Variants in RAB27B observed in about 807,000 individuals in gnomAD.
RAB27B encodes ras-related protein Rab-27B.
Under a neutral mutation model 24.6 loss-of-function variants are expected in RAB27B, and 15 were observed. The ratio of observed to expected loss-of-function variants is 0.61; its 90% CI spans 0.41 to 0.94. The LOEUF (loss-of-function observed/expected upper bound fraction) is 0.94, where lower values mean the gene tolerates loss of function less well. Ranked by LOEUF, RAB27B falls within the 40% of genes least tolerant of loss-of-function variation. The pLI, the probability that RAB27B is intolerant of heterozygous loss-of-function variation, is 0.00. For synonymous variants in RAB27B, 105 were observed against 92.5 expected, an observed-to-expected ratio of 1.14 and a Z score of -0.78; for missense variants, 261 against 266.8, an observed-to-expected ratio of 0.98 and a Z score of 0.15.
rs750955967 is a variant in RAB27B at position 54,884,346 on chromosome 18, A to G, written c.253A>G (p.Thr85Ala). 36 of 1,611,136 alleles carry G rather than the reference A, an allele frequency of 2.2e-5. No homozygotes were observed. Among genetic ancestry groups the G allele is most frequent in the Non-Finnish European group, 8.5e-6 (10 of 1,177,634 alleles). The change falls in exon 4 of 6, where the codon ACC (threonine) becomes GCC (alanine). Residue 85 changes from threonine to alanine, a missense_variant. Coordinates refer to ENST00000262094, the MANE Select transcript of RAB27B (RefSeq NM_004163.4). ...TTTCCTTGGCAGGTTCCGGAGTCTCACCACTGCATTTTTCAGAGACGCCAT... is the reference window on the plus strand; with the variant it reads ...TTTCCTTGGCAGGTTCCGGAGTCTCGCCACTGCATTTTTCAGAGACGCCAT... ...TAGQERFRSL[T>A]TAFFRDAMGF... is the part of the protein sequence containing the mutation.
chr18:54,886,836 C>A (rs1303818009), intron 4 of RAB27B, among the ~76,000 whole-genome samples: 1 of 152,020 alleles, frequency 6.6e-6, no homozygotes, highest in Non-Finnish European at 1.5e-5. Context: ...ACAGAGTTAG[C>A]CTTTCTTTGT....
chr18:54,811,062 ATAT>A (rs1238517034), intron 2 of RAB27B, among the ~76,000 whole-genome samples: 4 of 151,890 alleles, frequency 2.6e-5, no homozygotes, highest in African/African-American at 9.7e-5. Flanking sequence ...ATATAGCCTA[ATAT>A]TATAATATTA....
At chr18:54,855,863 T>G (rs1160411560) in intron 1 of RAB27B, among the ~76,000 whole-genome samples, 1 of 152,250 alleles carries the variant, frequency 6.6e-6, no homozygotes, top group Non-Finnish European at 1.5e-5. Context: ...GTATTCAGTT[T>G]TCTAATATGT....
intron 1 of RAB27B, among the ~76,000 whole-genome samples, chr18:54,858,377 G>GTTT (rs4071703): frequency 2.0e-4 from 25 of 127,824 alleles, no homozygotes; most frequent in African/African-American, 7.1e-4. Flanking sequence ...CAGGAAAACT[G>GTTT]TTTTTTTTTT....
intron 4 of RAB27B, among the ~76,000 whole-genome samples, chr18:54,885,289 G>A (rs1162091732): frequency 6.6e-6 from 1 of 152,080 alleles, no homozygotes; most frequent in Non-Finnish European, 1.5e-5. Context: ...AGCTAGAGTT[G>A]TATTTTTTAA....
chr18:54,827,746 T>C (rs2014206), upstream of RAB27B, among the ~76,000 whole-genome samples: 145,105 of 152,282 alleles, frequency 0.95, 69,568 homozygotes, highest in East Asian at 1. Context: ...ATAATGTACC[T>C]AACCTTGTAT....
At chr18:54,840,814 A>G (rs911674713) in intron 1 of RAB27B, among the ~76,000 whole-genome samples, 17 of 152,176 alleles carry the variant, frequency 1.1e-4, no homozygotes, top group Middle Eastern at 6.8e-3. Context: ...ATCTTTGACA[A>G]TAAGTTCTCA....
intron 2 of RAB27B, among the ~76,000 whole-genome samples, chr18:54,754,772 A>G (rs1326743190): frequency 6.6e-6 from 1 of 152,218 alleles, no homozygotes; most frequent in Non-Finnish European, 1.5e-5. Flanking sequence ...GAAAGCATAT[A>G]TTGTTATGAG....
At chr18:54,790,238 C>T (rs1909207447) in intron 2 of RAB27B, among the ~76,000 whole-genome samples, 1 of 151,896 alleles carries the variant, frequency 6.6e-6, no homozygotes, top group African/African-American at 2.4e-5. Context: ...TGAGGTATGG[C>T]ATATTTAAGA....
chr18:54,874,682 C>A (rs917057168), intron 1 of RAB27B, among the ~76,000 whole-genome samples: 4 of 152,118 alleles, frequency 2.6e-5, no homozygotes, highest in Admixed American at 6.5e-5. Flanking sequence ...CAATTTCACA[C>A]CCCCACTGCA....
intron 2 of RAB27B, among the ~76,000 whole-genome samples, chr18:54,782,041 T>C (rs1183532371): frequency 2.0e-5 from 3 of 152,234 alleles, no homozygotes; most frequent in Non-Finnish European, 2.9e-5. Flanking sequence ...TATTCTGAAG[T>C]ATAAAGAGTA....
intron 1 of RAB27B, among the ~76,000 whole-genome samples, chr18:54,870,344 A>G (rs1481263724): frequency 6.6e-6 from 1 of 152,208 alleles, no homozygotes; most frequent in East Asian, 1.9e-4. Context: ...GATCATCTCA[A>G]TAGAGGAAGA....
chr18:54,751,690 A>T (rs968335141), intron 2 of RAB27B, among the ~76,000 whole-genome samples: 1 of 152,210 alleles, frequency 6.6e-6, no homozygotes, highest in Admixed American at 6.5e-5. Flanking sequence ...TACACAAAGT[A>T]TGACTGACTA....
intron 2 of RAB27B, among the ~76,000 whole-genome samples, chr18:54,804,646 T>C (rs1287234795): frequency 6.6e-6 from 1 of 152,150 alleles, no homozygotes; most frequent in Admixed American, 6.5e-5. Flanking sequence ...AGTGGTTCTA[T>C]ACTAAACAAA....
intron 2 of RAB27B, among the ~76,000 whole-genome samples, chr18:54,721,573 A>G (rs1275331491): frequency 6.6e-6 from 1 of 152,158 alleles, no homozygotes; most frequent in Non-Finnish European, 1.5e-5. Context: ...CTGTATTGCA[A>G]GTATGGGAGT....
intron 1 of RAB27B, among the ~76,000 whole-genome samples, chr18:54,832,282 G>A (rs1910711975): frequency 6.6e-6 from 1 of 152,058 alleles, no homozygotes; most frequent in African/African-American, 2.4e-5. Context: ...CTAATAAATT[G>A]GATAAAGGTG....
intron 3 of RAB27B, 178 bp downstream of exon 3, chr18:54,879,632 CTGTGCAG>C (rs962113890): frequency 3.4e-6 from 2 of 583,390 alleles, no homozygotes; most frequent in Admixed American, 5.9e-5. Flanking sequence ...CACAGTAGCA[CTGTGCAG>C]TTGGTATGAA....
Position 54,847,522 on chromosome 18 carries a change from A to C in RAB27B, c.-20+18822A>C, listed in dbSNP as rs537781267. Among the ~76,000 whole-genome samples the C allele has an allele frequency of 3.9e-5, 6 of 152,318 alleles. No individual in the cohort carries two copies. In the South Asian group the frequency reaches 1.0e-3, roughly 26 times the overall value. On this transcript the variant is annotated intron_variant, in intron 1 of 5. Transcript: ENST00000262094. ...TGATGTTAGTTAGAAGTGTTGTGTT[A>C]ATTATGACGTTAGATGTATCTGAAA...
At chr18:54,855,382 C>T (rs1309895952) in intron 1 of RAB27B, among the ~76,000 whole-genome samples, 1 of 152,160 alleles carries the variant, frequency 6.6e-6, no homozygotes, top group African/African-American at 2.4e-5. Context: ...TTGGGGACCC[C>T]TGATTTAACA....
Sources: allele counts gnomAD v4.1 joint callset (sites outside exome capture counted in the v4.1 genomes callset), GRCh38; gene constraint gnomAD v4.1.1; transcripts MANE v1.5; gene names NCBI Gene and HGNC (gene_info 2026-07-23, HGNC 2026-07-21).